Variants in BCAR1 observed in about 807,000 individuals in gnomAD.
BCAR1 encodes the protein BCAR1 scaffold protein, Cas family member.
BCAR1 carries 30 observed loss-of-function variants against 67.6 expected under a neutral mutation model. The observed-to-expected ratio is 0.44, with a 90% CI of 0.33 to 0.60. The LOEUF is 0.60. Among genes scored for constraint, BCAR1 ranks in the 20% least tolerant of loss-of-function variants. The probability of loss-of-function intolerance (pLI) is 0.02; values close to 1 mark genes in which losing one functional copy is unlikely to be tolerated. For missense variants in BCAR1, 1,313 were observed against 1,222.3 expected (o/e 1.07, Z -1.11); for synonymous variants, 626 against 556.7 (o/e 1.12, Z -1.75).
intron 1 of BCAR1, chr16:75,248,136 G>C: frequency 6.3e-7 from 1 of 1,594,716 alleles, no homozygotes; most frequent in Non-Finnish European, 8.5e-7. Flanking sequence ...AGCAGAGGCC[G>C]ACCCCAGGCT....
upstream of BCAR1, among the ~76,000 whole-genome samples, chr16:75,253,872 G>C (rs542424921): frequency 2.0e-5 from 3 of 152,290 alleles, no homozygotes; most frequent in Admixed American, 6.5e-5. Flanking sequence ...CACATACCCA[G>C]CACAGCCTCT....
chr16:75,238,352 C>A, intron 2 of BCAR1: 1 of 1,107,566 alleles, frequency 9.0e-7, no homozygotes. Flanking sequence ...CACTGAAAGA[C>A]CTTTTGTTCC....
At chr16:75,245,759 C>T (rs143140943) in intron 1 of BCAR1, among the ~76,000 whole-genome samples, 1,599 of 152,224 alleles carry the variant, frequency 0.011, 17 homozygotes, top group African/African-American at 0.036. Context: ...TGCTGGTACA[C>T]AACCGACCAC....
At position 75,265,384 on chromosome 16, in the gene BCAR1, G is replaced by A. The variant is rs373430105; in HGVS notation, c.66+2531C>T. ...GAGGGAGGTCTTGCGGGACAGCACAGGCCTCCCACCCCCTCATCCGGCCCA... is the reference window on the plus strand; with the variant it reads ...GAGGGAGGTCTTGCGGGACAGCACAAGCCTCCCACCCCCTCATCCGGCCCA... On this transcript the variant is annotated intron_variant, in intron 1 of 6. Transcript: ENST00000393422. Among the ~76,000 whole-genome samples the A allele has an allele frequency of 1.0e-2, 1,515 of 152,196 alleles. 5 individuals are homozygous for A. Among genetic ancestry groups the A allele is most frequent in the Non-Finnish European group, 0.016 (1,069 of 67,962 alleles).
Position 75,251,563 on chromosome 16 carries a change from G to C in BCAR1, c.-81C>G, listed in dbSNP as rs1597262599. 8.9e-7 allele frequency: 1 copy of C among 1,117,970 alleles called. No homozygotes were observed. The highest frequency in any genetic ancestry group is 4.9e-5 in the East Asian group (1 of 20,524). The allele number at this position is 1,117,970 out of a possible 1,614,324, so 69.3% of individuals were successfully genotyped here. ...GGGCCGCGTGCCCTCGGGGCTCCGA[G>C]CGCGCCGCAGCCGCCCCGGTGCCGC... On this transcript the variant is annotated 5_prime_UTR_variant, in exon 1 of 7. Coordinates refer to ENST00000162330, the MANE Select transcript of BCAR1 (RefSeq NM_014567.5).
Position 75,235,791 on chromosome 16 carries a change from C to T in BCAR1, c.1108G>A (p.Asp370Asn), listed in dbSNP as rs1367184303. 3.1e-6 allele frequency: 5 copies of T among 1,594,260 alleles called. No homozygotes were observed. The Admixed American group carries it at 8.5e-5, about 27-fold the overall frequency. ...DVYDVPPPAP[D>N]LYDVPPGLRR... ...AAGCCAGGGGGCACGTCGTAGAGGTCAGGAGCCGGGGGCGGCACGTCATAC... is the reference window on the plus strand; with the variant it reads ...AAGCCAGGGGGCACGTCGTAGAGGTTAGGAGCCGGGGGCGGCACGTCATAC... Residue 370 changes from aspartate to asparagine, a missense_variant, in exon 5 of 7, where the codon GAC (aspartate) becomes AAC (asparagine). By Grantham distance (23) the Asp-to-Asn change is conservative. Coordinates refer to ENST00000162330, the MANE Select transcript of BCAR1 (RefSeq NM_014567.5).
intron 5 of BCAR1, 78 bp from the exon 6 acceptor site, chr16:75,234,013 G>A: frequency 7.1e-7 from 1 of 1,402,884 alleles, no homozygotes; most frequent in South Asian, 1.2e-5. Context: ...GGCGGGCGCA[G>A]TGAGCTGAGT....
intron 6 of BCAR1, among the ~76,000 whole-genome samples, chr16:75,231,144 T>G (rs543999640): frequency 6.6e-6 from 1 of 151,624 alleles, no homozygotes; most frequent in African/African-American, 2.4e-5. Context: ...TCGCCCAGGC[T>G]GAAGTGAAGT....
Position 75,235,845 on chromosome 16 carries a change from G to A in BCAR1, c.1054C>T (p.Pro352Ser), listed in dbSNP as rs141155929. ...TCCTCGGCCGGCGGGGAGTCTGGAG[G>A]GGGCGCAGCCAGTACCAGTGGGGTG... ...ARTPLVLAAP[P>S]PDSPPAEDVY... The change falls in exon 5 of 7, where the codon CCT (proline) becomes TCT (serine). Residue 352 changes from proline to serine, a missense_variant. Coordinates refer to ENST00000162330, the MANE Select transcript of BCAR1 (RefSeq NM_014567.5). 4 of 1,570,092 alleles carry A rather than the reference G, an allele frequency of 2.5e-6. No homozygotes were observed. In the African/African-American group the frequency reaches 4.0e-5, roughly 16 times the overall value.
chr16:75,229,391 A>G lies in BCAR1; in HGVS notation c.*120T>C. 2.2e-6 allele frequency: 3 copies of G among 1,368,384 alleles called. No individual in the cohort carries two copies. The highest frequency in any genetic ancestry group is 3.1e-5 in the South Asian group (2 of 64,990). 84.8% of individuals were successfully genotyped at this position (1,368,384 alleles called of 1,614,324 possible). On this transcript the variant is annotated 3_prime_UTR_variant, in exon 7 of 7. Transcript: ENST00000162330. ...CAGATTCCTGGGCATCCAGGGCACC[A>G]GGACCGACGCAGAGCTGGGGTCCTG...
chr16:75,263,156 G>A (rs1199314235), intron 1 of BCAR1: 1 of 960,236 alleles, frequency 1.0e-6, no homozygotes, highest in East Asian at 1.2e-4. Flanking sequence ...CACAGGAGGA[G>A]CTGGAGTGGC....
At chr16:75,263,290 T>G (rs1444154250) in intron 1 of BCAR1, 25 of 985,278 alleles carry the variant, frequency 2.5e-5, no homozygotes, top group Non-Finnish European at 3.0e-5. Flanking sequence ...CCCCTAAACA[T>G]GGACTCCCAA....
chr16:75,251,381 G>C (rs1212637642), intron 1 of BCAR1, 90 bp downstream of exon 1: 3 of 1,448,008 alleles, frequency 2.1e-6, no homozygotes, highest in South Asian at 1.3e-5. Flanking sequence ...GGCCCCGCAG[G>C]TCCGGCAGGA....
upstream of BCAR1, among the ~76,000 whole-genome samples, chr16:75,254,699 A>G (rs1013731686): frequency 6.6e-6 from 1 of 152,230 alleles, no homozygotes; most frequent in Non-Finnish European, 1.5e-5. Flanking sequence ...CCGGGGCACC[A>G]GCACAGGGCC....
intron 1 of BCAR1, chr16:75,264,146 G>A: frequency 1.5e-6 from 2 of 1,306,918 alleles, no homozygotes; most frequent in Non-Finnish European, 1.9e-6. Flanking sequence ...TTCCTCTCTT[G>A]TTACAGATGA....
chr16:75,231,639 C>T lies in BCAR1; in HGVS notation c.2101-1616G>A, dbSNP rs574473153. Among the ~76,000 whole-genome samples, 18 of 152,240 alleles carry T rather than the reference C, an allele frequency of 1.2e-4. 1 individual carries two copies. The highest frequency in any genetic ancestry group is 4.3e-4 in the African/African-American group (18 of 41,530). ...TCACATATATTCTTGCCCTTTAATC[C>T]AGCTTCTAGCAAGTTATCTAAGTGA... On this transcript the variant is annotated intron_variant, in intron 6 of 6. Transcript: ENST00000162330.
In BCAR1 at chr16:75,229,368, G is replaced by C. The variant is rs1032342061; in HGVS notation, c.*143C>G. ...CCCTGCCCGGCCATAAATATATACA[G>C]ATTCCTGGGCATCCAGGGCACCAGG... On this transcript the variant is annotated 3_prime_UTR_variant, in exon 7 of 7. Transcript: ENST00000162330. The C allele has an allele frequency of 4.7e-6, 6 of 1,280,200 alleles. No homozygotes were observed. The African/African-American group carries it at 9.0e-5, about 19-fold the overall frequency. The allele number at this position is 1,280,200 out of a possible 1,614,324, so 79.3% of individuals were successfully genotyped here. A position where few individuals can be genotyped will look rare whatever the true frequency, so the allele number is the denominator to read the frequency against.
At chr16:75,246,793 G>A (rs542952560) in intron 1 of BCAR1, 6 of 152,462 alleles carry the variant, frequency 3.9e-5, no homozygotes, top group Admixed American at 3.3e-4. Flanking sequence ...AACTGGAGGA[G>A]AGGCCAGCCT....
chr16:75,232,125 C>T (rs1396375057), intron 6 of BCAR1, among the ~76,000 whole-genome samples: 3 of 151,830 alleles, frequency 2.0e-5, no homozygotes, highest in African/African-American at 7.3e-5. Context: ...CTCAGGTGAT[C>T]CGCCCGCCTC....
Sources: allele counts gnomAD v4.1 joint callset (sites outside exome capture counted in the v4.1 genomes callset), GRCh38; gene constraint gnomAD v4.1.1; transcripts MANE v1.5; gene names NCBI Gene and HGNC (gene_info 2026-07-23, HGNC 2026-07-21).